Variants in NRG3 observed in about 807,000 individuals in gnomAD.
NRG3 encodes pro-neuregulin-3, membrane-bound isoform.
In NRG3, 31 loss-of-function variants were observed where a neutral mutation model predicts 66.9. The ratio of observed to expected loss-of-function variants is 0.46; its 90% CI spans 0.35 to 0.63. The LOEUF (loss-of-function observed/expected upper bound fraction) is 0.63. NRG3 is among the 20% of genes least tolerant of loss of function. The pLI is 0.00. For synonymous variants in NRG3, 393 were observed against 359.4 expected, an observed-to-expected ratio of 1.09 and a Z score of -1.06; for missense variants, 910 against 878.9, an observed-to-expected ratio of 1.04 and a Z score of -0.45.
chr10:82,248,169 A>C (rs1292576851), intron 1 of NRG3, among the ~76,000 whole-genome samples: 1 of 152,168 alleles, frequency 6.6e-6, no homozygotes, highest in South Asian at 2.1e-4. Flanking sequence ...AATTCCTTTT[A>C]TTCAGTTCAC....
At chr10:82,784,873 A>G (rs938054607) in intron 3 of NRG3, among the ~76,000 whole-genome samples, 2 of 152,156 alleles carry the variant, frequency 1.3e-5, no homozygotes, top group Non-Finnish European at 2.9e-5. Context: ...CCAAAGGACT[A>G]TAAATCATGC....
intron 3 of NRG3, among the ~76,000 whole-genome samples, chr10:82,812,652 C>A (rs1008972313): frequency 6.6e-6 from 1 of 152,076 alleles, no homozygotes; most frequent in Non-Finnish European, 1.5e-5. Flanking sequence ...ACTCAGGATG[C>A]AAAAGCAACC....
chr10:82,818,547 G>C (rs541623967), intron 3 of NRG3, among the ~76,000 whole-genome samples: 2 of 152,320 alleles, frequency 1.3e-5, no homozygotes, highest in African/African-American at 2.4e-5. Flanking sequence ...TGGACACTGA[G>C]ACCAGAACCT....
chr10:82,834,988 C>T (rs1327236455), intron 3 of NRG3, among the ~76,000 whole-genome samples: 1 of 152,170 alleles, frequency 6.6e-6, no homozygotes, highest in Non-Finnish European at 1.5e-5. Context: ...AAATTTCTAT[C>T]TGTTATGTCA....
intron 2 of NRG3, among the ~76,000 whole-genome samples, chr10:82,535,091 G>C (rs903604943): frequency 6.7e-6 from 1 of 150,264 alleles, no homozygotes; most frequent in Non-Finnish European, 1.5e-5. Context: ...GGAGGTGGAG[G>C]CTGCAGTGTG....
At chr10:82,052,827 T>A (rs1394471773) in intron 1 of NRG3, among the ~76,000 whole-genome samples, 1 of 152,064 alleles carries the variant, frequency 6.6e-6, no homozygotes, top group Admixed American at 6.6e-5. Flanking sequence ...GAAAGGGAAA[T>A]TAAAAATGGA....
intron 1 of NRG3, among the ~76,000 whole-genome samples, chr10:82,177,926 A>G (rs1241607480): frequency 6.6e-6 from 1 of 152,150 alleles, no homozygotes; most frequent in South Asian, 2.1e-4. Flanking sequence ...CCTGGCCTCA[A>G]GCAGTCCTCC....
intron 2 of NRG3, among the ~76,000 whole-genome samples, chr10:82,581,017 A>G (rs1381012061): frequency 2.0e-5 from 3 of 151,808 alleles, no homozygotes; most frequent in Non-Finnish European, 4.4e-5. Context: ...TTTTATAAGT[A>G]ACTCCCAAAC....
chr10:82,553,034 A>AAC (rs142641494), intron 2 of NRG3, among the ~76,000 whole-genome samples: 3,633 of 146,596 alleles, frequency 0.025, 74 homozygotes, highest in African/African-American at 0.054. Flanking sequence ...ATCACACACA[A>AAC]ACACACACAC....
chr10:82,159,263 T>C (rs1405994669), intron 1 of NRG3, among the ~76,000 whole-genome samples: 1 of 151,882 alleles, frequency 6.6e-6, no homozygotes. Context: ...CTCAGGAAAT[T>C]AGCCTGGCAT....
intron 4 of NRG3, among the ~76,000 whole-genome samples, chr10:82,936,732 T>C (rs541480884): frequency 3.3e-5 from 5 of 152,308 alleles, no homozygotes; most frequent in Non-Finnish European, 7.4e-5. Flanking sequence ...TAATTTCATA[T>C]GTCAATTTAA....
intron 4 of NRG3, among the ~76,000 whole-genome samples, chr10:82,881,943 C>T (rs138700494): frequency 2.9e-3 from 442 of 152,318 alleles, no homozygotes; most frequent in Non-Finnish European, 5.0e-3. Context: ...TAGGAGTCTT[C>T]CTCGTTTTTG....
At chr10:82,124,830 A>G (rs1052481540) in intron 1 of NRG3, among the ~76,000 whole-genome samples, 3 of 151,930 alleles carry the variant, frequency 2.0e-5, no homozygotes, top group African/African-American at 2.4e-5. Context: ...GCCTTGTGTC[A>G]TTCATCACAG....
intron 3 of NRG3, among the ~76,000 whole-genome samples, chr10:82,748,723 C>G (rs1025125987): frequency 1.3e-5 from 2 of 150,638 alleles, no homozygotes; most frequent in Non-Finnish European, 3.0e-5. Context: ...ATAATCCTCA[C>G]ACAGTGTTGT....
At chr10:82,956,381 C>T (rs1850052336) in intron 5 of NRG3, among the ~76,000 whole-genome samples, 1 of 151,696 alleles carries the variant, frequency 6.6e-6, no homozygotes, top group African/African-American at 2.4e-5. Flanking sequence ...TTTCTCTGTT[C>T]CCATTTTCTG....
Position 82,420,798 on chromosome 10 carries a change from T to G in NRG3, c.953+61930T>G, listed in dbSNP as rs534244909. 3.2e-4 allele frequency among the ~76,000 whole-genome samples: 49 copies of G among 152,254 alleles called. No individual in the cohort carries two copies. The South Asian group carries it at 8.1e-3, about 25-fold the overall frequency. ...CTTCAGTGGGAGAATGGACAAAAAC[T>G]ATGGTATATGCATAAAATGGACAAT... On this transcript the variant is annotated intron_variant, in intron 2 of 8. Transcript: ENST00000372141.
intron 8 of NRG3, 150 bp downstream of exon 8, chr10:82,979,270 A>G: frequency 1.3e-6 from 1 of 767,366 alleles, no homozygotes; most frequent in Non-Finnish European, 2.1e-6. Flanking sequence ...ACAAAAGGTG[A>G]ACCAACTTTG....
At chr10:82,748,893 C>T (rs1280528821) in intron 3 of NRG3, among the ~76,000 whole-genome samples, 1 of 152,016 alleles carries the variant, frequency 6.6e-6, no homozygotes, top group Non-Finnish European at 1.5e-5. Context: ...ATTGGGTATA[C>T]AGTCTAAAAA....
At chr10:82,749,705 G>T (rs17100710) in intron 3 of NRG3, among the ~76,000 whole-genome samples, 8,203 of 151,420 alleles carry the variant, frequency 0.054, 678 homozygotes, top group African/African-American at 0.18. Flanking sequence ...CATATGTGGG[G>T]ACAGTCTTTT....
Sources: gnomAD v4.1 joint callset for allele counts (sites outside exome capture counted in the v4.1 genomes callset) on GRCh38, gnomAD v4.1.1 for gene constraint, MANE v1.5 for transcripts, NCBI Gene and HGNC (gene_info 2026-07-23, HGNC 2026-07-21) for gene names.